The following ST18 variants were observed in gnomAD, a reference collection of about 807,000 sequenced individuals.
ST18 encodes suppression of tumorigenicity 18 protein.
In ST18, 50 loss-of-function variants were observed where a neutral mutation model predicts 110.0. The observed-to-expected ratio is 0.45, with a 90% CI of 0.36 to 0.58. ST18 has a LOEUF of 0.58. ST18 is among the 20% of genes least tolerant of loss of function. The probability of loss-of-function intolerance (pLI) is 0.00; values close to 1 mark genes in which losing one functional copy is unlikely to be tolerated. For missense variants in ST18, 1,306 were observed against 1,280.1 expected, an observed-to-expected ratio of 1.02 and a Z score of -0.31; for synonymous variants, 461 against 452.4, an observed-to-expected ratio of 1.02 and a Z score of -0.24.
In ST18 at chr8:52,260,394, C is replaced by T. The variant is rs577292906; in HGVS notation, c.-464-30317G>A. 1.3e-4 allele frequency among the ~76,000 whole-genome samples: 20 copies of T among 151,556 alleles called. 1 individual carries two copies. The highest frequency in any genetic ancestry group is 4.4e-4 in the African/African-American group (18 of 40,818). ...TTATATATGGTCCATGCATTTGGTACACAGCTCAATCACTCTGTCTTGTTC... is the reference window on the plus strand; with the variant it reads ...TTATATATGGTCCATGCATTTGGTATACAGCTCAATCACTCTGTCTTGTTC... On this transcript the variant is annotated intron_variant, in intron 2 of 25. Coordinates refer to ENST00000689386, the MANE Select transcript of ST18 (RefSeq NM_001352837.2).
chr8:52,122,962 A>C (rs1411942244), intron 23 of ST18, among the ~76,000 whole-genome samples: 1 of 152,126 alleles, frequency 6.6e-6, no homozygotes, highest in African/African-American at 2.4e-5. Flanking sequence ...TCACATGAGA[A>C]GAGCTAGAAG....
chr8:52,149,653 A>G, intron 16 of ST18, 79 bp downstream of exon 16: 1 of 1,514,646 alleles, frequency 6.6e-7, no homozygotes, highest in East Asian at 2.3e-5. Flanking sequence ...AATGTGAAAT[A>G]TAATTTAGGA....
intron 2 of ST18, among the ~76,000 whole-genome samples, chr8:52,380,373 G>A (rs1262530007): frequency 6.6e-6 from 1 of 152,050 alleles, no homozygotes; most frequent in Non-Finnish European, 1.5e-5. Flanking sequence ...TTAATCGATT[G>A]TTTATGTCAT....
At chr8:52,118,821 A>C (rs1200679217) in intron 23 of ST18, among the ~76,000 whole-genome samples, 1 of 152,158 alleles carries the variant, frequency 6.6e-6, no homozygotes, top group African/African-American at 2.4e-5. Flanking sequence ...AGAATCACTG[A>C]CAGAAGTTAA....
At chr8:52,389,718 C>A (rs1425991258) in intron 2 of ST18, among the ~76,000 whole-genome samples, 1 of 152,166 alleles carries the variant, frequency 6.6e-6, no homozygotes, top group Non-Finnish European at 1.5e-5. Flanking sequence ...AAGAGAGGCC[C>A]AACTGGCCCT....
At chr8:52,269,441 G>A (rs1055268864) in intron 2 of ST18, among the ~76,000 whole-genome samples, 1 of 152,158 alleles carries the variant, frequency 6.6e-6, no homozygotes, top group African/African-American at 2.4e-5. Flanking sequence ...CTACATGAAG[G>A]CAAAATCTGT....
At chr8:52,348,710 C>T (rs113482477) in intron 2 of ST18, among the ~76,000 whole-genome samples, 2,459 of 152,206 alleles carry the variant, frequency 0.016, 38 homozygotes, top group Non-Finnish European at 0.026. Context: ...TGCCATTGCA[C>T]TTCAGCCTGA....
chr8:52,213,090 T>C (rs1220942503), intron 7 of ST18, among the ~76,000 whole-genome samples: 1 of 152,162 alleles, frequency 6.6e-6, no homozygotes, highest in Non-Finnish European at 1.5e-5. Context: ...TATTAGGATA[T>C]ATAACATGGT....
chr8:52,241,516 T>C (rs563503949), intron 2 of ST18, among the ~76,000 whole-genome samples: 1 of 152,380 alleles, frequency 6.6e-6, no homozygotes, highest in Non-Finnish European at 1.5e-5. Context: ...TGCCCTAGCA[T>C]GTGAACAACA....
intron 2 of ST18, among the ~76,000 whole-genome samples, chr8:52,288,962 C>T (rs1027534799): frequency 2.6e-5 from 4 of 152,068 alleles, no homozygotes; most frequent in Admixed American, 6.5e-5. Context: ...ATTCATGGCA[C>T]GTGTGCAAGG....
chr8:52,227,548 T>C (rs570006547), intron 3 of ST18, among the ~76,000 whole-genome samples: 3 of 152,288 alleles, frequency 2.0e-5, no homozygotes, highest in Non-Finnish European at 2.9e-5. Flanking sequence ...TCAAAATTGT[T>C]CTTGGCTTGG....
At chr8:52,268,715 T>C (rs2094968188) in intron 2 of ST18, among the ~76,000 whole-genome samples, 3 of 152,188 alleles carry the variant, frequency 2.0e-5, no homozygotes, top group Admixed American at 2.0e-4. Context: ...AGACCAGGCA[T>C]ACAGCTGAAG....
At chr8:52,147,886 G>A (rs532162814) in intron 16 of ST18, among the ~76,000 whole-genome samples, 1 of 152,290 alleles carries the variant, frequency 6.6e-6, no homozygotes, top group African/African-American at 2.4e-5. Flanking sequence ...CTCGTATGTA[G>A]TAGGACTGCG....
At position 52,113,215 on chromosome 8, in the gene ST18, T is replaced by C; in HGVS notation, c.3127A>G (p.Lys1043Glu). The part of the protein sequence containing the change: ...ALLESIKQAV[K>E]GIHV ...CTGTGATCCTACACATGGATACCCT[T>C]CACTGCCTGTTTGATACTTTCCAGT... The change falls in exon 26 of 26, where the codon AAG becomes GAG. Residue 1043 changes from lysine (K) to glutamate (E), a missense_variant. Lys to Glu is a moderately conservative substitution (Grantham distance 56, BLOSUM62 1). Transcript: ENST00000689386. 6.2e-7 allele frequency: 1 copy of C among 1,614,106 alleles called. No homozygotes were observed. The highest frequency in any genetic ancestry group is 8.5e-7 in the Non-Finnish European group (1 of 1,179,962).
chr8:52,208,211 T>C (rs942392521), intron 8 of ST18, among the ~76,000 whole-genome samples: 3 of 152,216 alleles, frequency 2.0e-5, no homozygotes, highest in African/African-American at 4.8e-5. Flanking sequence ...TTTTCGTAAG[T>C]AGTCGCTCTA....
At chr8:52,191,635 T>C (rs561200493) in intron 8 of ST18, among the ~76,000 whole-genome samples, 34 of 152,248 alleles carry the variant, frequency 2.2e-4, no homozygotes, top group African/African-American at 7.9e-4. Context: ...CCTCAGCATC[T>C]GAGTTCAGTG....
chr8:52,234,748 T>C (rs904591529), intron 2 of ST18, among the ~76,000 whole-genome samples: 4 of 151,940 alleles, frequency 2.6e-5, no homozygotes, highest in Non-Finnish European at 4.4e-5. Flanking sequence ...TGTGTGTGTG[T>C]GTGTGTGTGT....
intron 2 of ST18, among the ~76,000 whole-genome samples, chr8:52,307,549 AC>A (rs1469679319): frequency 6.6e-6 from 1 of 152,244 alleles, no homozygotes; most frequent in Admixed American, 6.5e-5. Context: ...ACTTTAAATG[AC>A]TATACTTTTT....
At chr8:52,246,317 A>G (rs558965595) in intron 2 of ST18, among the ~76,000 whole-genome samples, 6 of 152,154 alleles carry the variant, frequency 3.9e-5, no homozygotes, top group African/African-American at 1.4e-4. Context: ...CTTATGAAAT[A>G]AATCCCAAAA....
Sources: allele counts gnomAD v4.1 joint callset (sites outside exome capture counted in the v4.1 genomes callset), GRCh38; gene constraint gnomAD v4.1.1; transcripts MANE v1.5; gene names NCBI Gene and HGNC (gene_info 2026-07-23, HGNC 2026-07-21).